DMXL2: variants seen among roughly 807,000 people sequenced by gnomAD.
The protein encoded by DMXL2 is dmX-like protein 2.
DMXL2 carries 103 observed loss-of-function variants against 331.1 expected under a neutral mutation model. The observed-to-expected ratio is 0.31, with a 90% CI of 0.27 to 0.37. DMXL2 has a LOEUF of 0.37. Among genes scored for constraint, DMXL2 ranks in the 10% least tolerant of loss-of-function variants. The probability of loss-of-function intolerance (pLI) is 1.00; values close to 1 mark genes in which losing one functional copy is unlikely to be tolerated. For synonymous variants in DMXL2, 1,281 were observed against 1,252.1 expected, an observed-to-expected ratio of 1.02 and a Z score of -0.49; for missense variants, 3,171 against 3,642.9, an observed-to-expected ratio of 0.87 and a Z score of 3.33.
In DMXL2 at chr15:51,499,393, A is replaced by G. The variant is rs1484746979; in HGVS notation, c.3831T>C (p.Ala1277=). 1.2e-6 allele frequency: 2 copies of G among 1,613,936 alleles called. No individual in the cohort carries two copies. The highest frequency in any genetic ancestry group is 8.5e-7 in the Non-Finnish European group (1 of 1,180,020). ...EMHVYAQWKH[A]VKFGDTEADS... ...CAGCTTCAGTGTCTCCAAATTTGAC[A>G]GCATGCTTCCACTGTGCATATACAT... Residue 1277 remains alanine (A), a synonymous_variant, in exon 18 of 44, where the codon GCT becomes GCC. Coordinates refer to ENST00000560891, the MANE Select transcript of DMXL2 (RefSeq NM_001378457.1).
In DMXL2 at chr15:51,576,101, T is replaced by G; in HGVS notation, c.168A>C (p.Gly56=). ...ACTCCACACAGCTGACTTGGATGTT[T>G]CCATGCTTAGCACCAGGAATGATCT... ...CVQIIPGAKH[G]NIQVSCVECS... Residue 56 remains glycine, a synonymous_variant, in exon 2 of 44, where the codon GGA becomes GGC. Transcript: ENST00000560891. 4.4e-6 allele frequency: 7 copies of G among 1,579,624 alleles called. No homozygotes were observed. The highest frequency in any genetic ancestry group is 5.2e-6 in the Non-Finnish European group (6 of 1,160,862).
At chr15:51,595,238 T>G (rs1381583148) in intron 1 of DMXL2, among the ~76,000 whole-genome samples, 1 of 152,172 alleles carries the variant, frequency 6.6e-6, no homozygotes, top group Non-Finnish European at 1.5e-5. Flanking sequence ...GGATACAAAA[T>G]CAATGTGCAA....
chr15:51,503,954 T>C (rs184055800), intron 16 of DMXL2, among the ~76,000 whole-genome samples: 3 of 152,280 alleles, frequency 2.0e-5, no homozygotes, highest in East Asian at 1.9e-4. Context: ...ATTTTACTCT[T>C]TCTTAGCACC....
At chr15:51,532,808 T>C (rs1295180607) in intron 13 of DMXL2, among the ~76,000 whole-genome samples, 3 of 152,146 alleles carry the variant, frequency 2.0e-5, no homozygotes, top group African/African-American at 7.2e-5. Context: ...GTTGGAAGTT[T>C]TAGTCACTGC....
At chr15:51,611,643 G>T (rs1028872589) in intron 1 of DMXL2, among the ~76,000 whole-genome samples, 10 of 152,194 alleles carry the variant, frequency 6.6e-5, no homozygotes, top group African/African-American at 2.4e-4. Flanking sequence ...TTCTATCACA[G>T]TACTAACTAG....
chr15:51,574,585 A>G (rs2050891364), intron 2 of DMXL2, among the ~76,000 whole-genome samples: 1 of 152,218 alleles, frequency 6.6e-6, no homozygotes, highest in Admixed American at 6.5e-5. Context: ...GTTGTGAATA[A>G]TTCCATTCAA....
At chr15:51,485,762 T>G (rs907961772) in intron 23 of DMXL2, among the ~76,000 whole-genome samples, 2 of 152,046 alleles carry the variant, frequency 1.3e-5, no homozygotes, top group African/African-American at 2.4e-5. Context: ...AGGCATAAAG[T>G]TTTTCCAGGC....
In DMXL2 at chr15:51,456,149, T is replaced by A. The variant is rs772517464; in HGVS notation, c.8443A>T (p.Thr2815Ser). ...AAGCAGACAAGTTGCTGAGGCCGCG[T>A]CCATTCAAACATTCGTACACTGCCG... ...QDGSVRMFEW[T>S]RPQQLVCFRQ... The change falls in exon 39 of 44, where the codon ACG becomes TCG. Residue 2815 changes from threonine (T) to serine (S), a missense_variant. Coordinates refer to ENST00000560891, the MANE Select transcript of DMXL2 (RefSeq NM_001378457.1). The A allele has an allele frequency of 2.5e-6, 4 of 1,614,064 alleles. No homozygotes were observed. In the East Asian group the frequency reaches 8.9e-5, roughly 36 times the overall value.
chr15:51,504,226 G>T (rs924073283), intron 16 of DMXL2, among the ~76,000 whole-genome samples: 2 of 152,112 alleles, frequency 1.3e-5, no homozygotes, highest in Admixed American at 6.5e-5. Context: ...CTCACTTTTA[G>T]ATTAAGAAAT....
intron 1 of DMXL2, among the ~76,000 whole-genome samples, chr15:51,617,101 T>C (rs1253035991): frequency 6.6e-6 from 1 of 152,180 alleles, no homozygotes; most frequent in African/African-American, 2.4e-5. Context: ...ATTATGGTTG[T>C]CACCCAACAT....
intron 1 of DMXL2, among the ~76,000 whole-genome samples, chr15:51,587,519 T>A (rs555667001): frequency 1.6e-4 from 25 of 152,390 alleles, no homozygotes; most frequent in Non-Finnish European, 2.9e-4. Context: ...TATGGCTGCA[T>A]AGCATTCCAT....
At chr15:51,556,817 C>T (rs967116463) in intron 6 of DMXL2, among the ~76,000 whole-genome samples, 1 of 151,896 alleles carries the variant, frequency 6.6e-6, no homozygotes, top group Admixed American at 6.6e-5. Flanking sequence ...AGAAAAAATG[C>T]TTCCTAAAAT....
chr15:51,591,354 T>A (rs1356141304), intron 1 of DMXL2, among the ~76,000 whole-genome samples: 1 of 152,206 alleles, frequency 6.6e-6, no homozygotes, highest in Non-Finnish European at 1.5e-5. Context: ...CAGTCTGAGA[T>A]CAAACTGCAA....
chr15:51,505,369 C>T (rs1306590840), intron 16 of DMXL2, among the ~76,000 whole-genome samples: 1 of 152,220 alleles, frequency 6.6e-6, no homozygotes, highest in Non-Finnish European at 1.5e-5. Flanking sequence ...TTTAGTGAGA[C>T]ACACGCTTCA....
At chr15:51,480,416 A>G (rs1164189427) in intron 24 of DMXL2, 126 bp downstream of exon 24, 13 of 1,194,234 alleles carry the variant, frequency 1.1e-5, no homozygotes, top group African/African-American at 1.5e-5. Context: ...TGCCTCCTAT[A>G]AAGAGAGGAG....
chr15:51,610,316 A>T (rs1014565120), intron 1 of DMXL2, among the ~76,000 whole-genome samples: 7 of 152,264 alleles, frequency 4.6e-5, no homozygotes, highest in Non-Finnish European at 1.0e-4. Flanking sequence ...ATGCATATTT[A>T]TAGTAGATTT....
At chr15:51,547,742 G>A (rs1393071744) in intron 6 of DMXL2, among the ~76,000 whole-genome samples, 3 of 152,092 alleles carry the variant, frequency 2.0e-5, no homozygotes, top group Non-Finnish European at 2.9e-5. Flanking sequence ...GAATTAGAAA[G>A]ATCCATGCTA....
chr15:51,447,993 C>G lies in DMXL2; in HGVS notation c.*991G>C, dbSNP rs1443483156. ...TTCAGTATCTCAACATATTTTTGGT[C>G]ATAACCAAGGAAATACATCAAAATA... On this transcript the variant is annotated 3_prime_UTR_variant, in exon 44 of 44. Coordinates refer to ENST00000560891, the MANE Select transcript of DMXL2 (RefSeq NM_001378457.1). 1 of 152,556 alleles carries G rather than the reference C, an allele frequency of 6.6e-6. No homozygotes were observed. The highest frequency in any genetic ancestry group is 1.5e-5 in the Non-Finnish European group (1 of 68,024). The allele number at this position is 152,556 out of a possible 1,614,324, so 9.5% of individuals were successfully genotyped here.
chr15:51,519,581 T>G (rs1222146255), intron 13 of DMXL2, among the ~76,000 whole-genome samples: 3 of 151,830 alleles, frequency 2.0e-5, no homozygotes, highest in African/African-American at 7.3e-5. Context: ...ACAAACACAT[T>G]AATAATATTT....
Sources: allele counts gnomAD v4.1 joint callset (sites outside exome capture counted in the v4.1 genomes callset), GRCh38; gene constraint gnomAD v4.1.1; transcripts MANE v1.5; gene names NCBI Gene and HGNC (gene_info 2026-07-23, HGNC 2026-07-21).